The following CARS2 variants were observed in gnomAD, a reference collection of about 807,000 sequenced individuals.
CARS2 encodes probable cysteine--tRNA ligase, mitochondrial.
CARS2 carries 52 observed loss-of-function variants against 68.8 expected under a neutral mutation model. That is an observed-to-expected ratio of 0.76 (90% CI 0.61 to 0.95). The LOEUF is 0.95. CARS2 is among the 40% of genes least tolerant of loss of function. The probability of loss-of-function intolerance (pLI) is 0.00; values close to 1 mark genes in which losing one functional copy is unlikely to be tolerated. For synonymous variants in CARS2, 314 were observed against 303.6 expected, an observed-to-expected ratio of 1.03 and a Z score of -0.36; for missense variants, 780 against 754.2, an observed-to-expected ratio of 1.03 and a Z score of -0.40.
Position 110,676,591 on chromosome 13 carries a change from G to A in CARS2, c.785+383C>T, listed in dbSNP as rs1450578174. Among the ~76,000 whole-genome samples the A allele has an allele frequency of 6.6e-6, 1 of 152,182 alleles. No homozygotes were observed. Among genetic ancestry groups the A allele is most frequent in the Admixed American group, 6.5e-5 (1 of 15,290 alleles). ...GGCATGCGAGTTGCCTGAGCTAGAAGAGCTGGCGGGAAGGCGGAGAGGGAT... is the reference window on the plus strand; with the variant it reads ...GGCATGCGAGTTGCCTGAGCTAGAAAAGCTGGCGGGAAGGCGGAGAGGGAT... On this transcript the variant is annotated intron_variant, in intron 7 of 14. Transcript: ENST00000257347. This position sits in a 1 kb window ranked among gnomAD's most constrained non-coding sequence, Gnocchi z 4.0.
At chr13:110,698,752 C>A (rs939721611) in intron 3 of CARS2, among the ~76,000 whole-genome samples, 1 of 152,082 alleles carries the variant, frequency 6.6e-6, no homozygotes, top group Non-Finnish European at 1.5e-5. Flanking sequence ...ACCTGTAATC[C>A]TAGCACTTTG....
chr13:110,700,177 T>A (rs1207719672), intron 3 of CARS2, among the ~76,000 whole-genome samples: 1 of 152,102 alleles, frequency 6.6e-6, no homozygotes, highest in Non-Finnish European at 1.5e-5. Flanking sequence ...AGGGCCACCT[T>A]ACAAAATCAA....
At chr13:110,666,261 G>C in intron 8 of CARS2, 2 of 985,404 alleles carry the variant, frequency 2.0e-6, no homozygotes, top group Non-Finnish European at 2.4e-6. Flanking sequence ...AGGGCGGCAG[G>C]CGTTTGTTCT....
intron 3 of CARS2, among the ~76,000 whole-genome samples, chr13:110,696,380 CCCA>C (rs775147500): frequency 1.5e-4 from 23 of 152,230 alleles, no homozygotes; most frequent in African/African-American, 5.1e-4. Flanking sequence ...AATTTACACT[CCCA>C]CCAACAGTGT....
At chr13:110,682,985 A>T in intron 6 of CARS2, 66 bp downstream of exon 6, 1 of 1,124,510 alleles carries the variant, frequency 8.9e-7, no homozygotes, top group East Asian at 2.6e-5. Flanking sequence ...TCCAGATCTC[A>T]TCTCCCCAGA....
rs754551392 is a variant in CARS2 at position 110,644,424 on chromosome 13, CTG to C, written c.1375_1376del (p.Gln459ValfsTer3). The C allele has an allele frequency of 3.1e-6, 5 of 1,614,072 alleles. No homozygotes were observed. In the South Asian group the frequency reaches 3.3e-5, roughly 11 times the overall value. On this transcript the variant is annotated frameshift_variant, in exon 13 of 15. Coordinates refer to ENST00000257347, the MANE Select transcript of CARS2 (RefSeq NM_024537.4). LOFTEE classifies it high-confidence loss of function. ...VFGAIISYFE[Q>X]FFETVGISLA... ...GAGAAATTCCAACAGTTTCAAAAAACTGTTCAAAGTAAGAGATGATGGCACCA... is the reference window on the plus strand; with the variant it reads ...GAGAAATTCCAACAGTTTCAAAAAACTTCAAAGTAAGAGATGATGGCACCA...
upstream of CARS2, chr13:110,706,235 C>T: frequency 1.9e-6 from 1 of 534,352 alleles, no homozygotes; most frequent in Non-Finnish European, 2.7e-6. Flanking sequence ...CCTCAGGTAG[C>T]GCCTCCCTTT....
Position 110,713,203 on chromosome 13 carries a change from T to G in CARS2, n.333A>C, listed in dbSNP as rs2139961900. 4.2e-6 allele frequency: 6 copies of G among 1,422,582 alleles called. No homozygotes were observed. In the South Asian group the frequency reaches 7.8e-5, roughly 19 times the overall value. 88.1% of individuals were successfully genotyped at this position (1,422,582 alleles called of 1,614,324 possible). On this transcript the variant is annotated non_coding_transcript_exon_variant, in exon 1 of 3. Transcript: ENST00000485188. ...TGATGTTGGCAAGTAGATTGGCTAC[T>G]GCGGTTGCCAGTTCTGTTTCGGGCC...
chr13:110,710,927 G>A (rs1002808987), upstream of CARS2, among the ~76,000 whole-genome samples: 1 of 126,246 alleles, frequency 7.9e-6, no homozygotes, highest in Non-Finnish European at 1.8e-5. Flanking sequence ...AGATTGTACT[G>A]TGTTGTGATT....
rs1594247550 is a variant in CARS2, at chr13:110,653,215, T to TGTTTG, written c.988-2116_988-2115insCAAAC. On this transcript the variant is annotated intron_variant, in intron 9 of 14. Transcript: ENST00000257347. The surrounding 1 kb of genome is among the most constrained non-coding windows in gnomAD (Gnocchi z 5.6). ...GGCTGGGGTATGTGTGTGTGTGTGT[T>TGTTTG]TGTGTGTGTGTGTGTGAAGAGCCCC... Among the ~76,000 whole-genome samples the TGTTTG allele has an allele frequency of 3.4e-5, 4 of 117,718 alleles. No homozygotes were observed. Among genetic ancestry groups the TGTTTG allele is most frequent in the African/African-American group, 1.5e-4 (4 of 27,436 alleles). The allele number at this position is 117,718 out of a possible 152,430, so 77.2% of individuals were successfully genotyped here.
At chr13:110,644,321 T>TAA (rs1314056065) in intron 13 of CARS2, 64 bp downstream of exon 13, 1 of 1,493,440 alleles carries the variant, frequency 6.7e-7, no homozygotes, top group Non-Finnish European at 9.3e-7. Context: ...GTTAAAAGGG[T>TAA]AAAGGTTATT....
intron 3 of CARS2, 132 bp downstream of exon 3, chr13:110,701,306 C>T: frequency 1.7e-6 from 1 of 602,378 alleles, no homozygotes; most frequent in South Asian, 2.2e-5. Context: ...TCAAGTGATC[C>T]ACCTGTCTTG....
chr13:110,651,512 CAGG>C (rs2062213421), intron 9 of CARS2, among the ~76,000 whole-genome samples: 1 of 152,206 alleles, frequency 6.6e-6, no homozygotes, highest in South Asian at 2.1e-4. Context: ...CTGCAACCCC[CAGG>C]AGAAGCTTGC....
chr13:110,711,239 GAT>G (rs60623521), upstream of CARS2, among the ~76,000 whole-genome samples: 95,709 of 151,604 alleles, frequency 0.63, 31,983 homozygotes, highest in South Asian at 0.77. Flanking sequence ...TTTTTCCGGA[GAT>G]AGTCTTGCTC....
At chr13:110,687,896 T>C (rs1207125697) in intron 4 of CARS2, 51 bp downstream of exon 4, 7 of 1,566,664 alleles carry the variant, frequency 4.5e-6, no homozygotes, top group African/African-American at 1.4e-5. Context: ...CCAGCTGTCA[T>C]TGCTCACGCC....
At chr13:110,704,984 C>T (rs1301610514) in intron 2 of CARS2, among the ~76,000 whole-genome samples, 1 of 152,190 alleles carries the variant, frequency 6.6e-6, no homozygotes, top group Non-Finnish European at 1.5e-5. Context: ...TCCAATACCT[C>T]TTCAATGTGT....
intron 8 of CARS2, chr13:110,667,043 G>C: frequency 1.3e-6 from 1 of 766,662 alleles, no homozygotes; most frequent in Non-Finnish European, 1.6e-6. Flanking sequence ...CATAATTATC[G>C]TTACATTGTA....
rs1298322927 is a variant in CARS2 at position 110,680,161 on chromosome 13, G to T, written c.655+2890C>A. On this transcript the variant is annotated intron_variant, in intron 6 of 14. Transcript: ENST00000257347. Reference sequence around the variant, plus strand: ...TTGGGAGGCCGAGGGGGGGGGGGGGGGGGGTGGATCACCTGAGGTCAGGAG... The same window carrying T: ...TTGGGAGGCCGAGGGGGGGGGGGGGTGGGGTGGATCACCTGAGGTCAGGAG... Among the ~76,000 whole-genome samples the T allele has an allele frequency of 9.6e-5, 7 of 72,576 alleles. No individual in the cohort carries two copies. In the South Asian group the frequency reaches 1.1e-3, roughly 11 times the overall value. 47.6% of individuals were successfully genotyped at this position (72,576 alleles called of 152,430 possible).
intron 9 of CARS2, among the ~76,000 whole-genome samples, chr13:110,658,792 G>A (rs1309106457): frequency 5.9e-5 from 9 of 152,098 alleles, no homozygotes; most frequent in African/African-American, 1.7e-4. Flanking sequence ...AGCCAGGCAT[G>A]GTGGTGTGCA....
Sources: allele counts gnomAD v4.1 joint callset (sites outside exome capture counted in the v4.1 genomes callset), GRCh38; gene constraint gnomAD v4.1.1; non-coding constraint Gnocchi (gnomAD v3.1); transcripts MANE v1.5; gene names NCBI Gene and HGNC (gene_info 2026-07-23, HGNC 2026-07-21).